ARHGAP24: variants seen among roughly 807,000 people sequenced by gnomAD.
The protein encoded by ARHGAP24 is rho GTPase-activating protein 24.
ARHGAP24 carries 50 observed loss-of-function variants against 76.4 expected under a neutral mutation model. The observed-to-expected ratio is 0.65, with a 90% confidence interval of 0.52 to 0.83. ARHGAP24 has a LOEUF of 0.83. Among genes scored for constraint, ARHGAP24 ranks in the 40% least tolerant of loss-of-function variants. ARHGAP24 has a pLI of 0.00. For synonymous variants in ARHGAP24, 345 were observed against 323.3 expected, an observed-to-expected ratio of 1.07 and a Z score of -0.72; for missense variants, 930 against 914.2, an observed-to-expected ratio of 1.02 and a Z score of -0.22.
chr4:85,685,147 G>A (rs757497307), intron 2 of ARHGAP24, among the ~76,000 whole-genome samples: 2 of 152,090 alleles, frequency 1.3e-5, no homozygotes, highest in Non-Finnish European at 2.9e-5. Context: ...CTTATATGCA[G>A]ATAAAAGAAA....
chr4:85,643,359 C>T (rs1428307352), intron 2 of ARHGAP24, among the ~76,000 whole-genome samples: 3 of 115,366 alleles, frequency 2.6e-5, no homozygotes, highest in Non-Finnish European at 5.3e-5. Flanking sequence ...CCCGGGTTCA[C>T]GCCATTCTCC....
chr4:85,718,709 A>T (rs1724820525), intron 2 of ARHGAP24, among the ~76,000 whole-genome samples: 1 of 152,080 alleles, frequency 6.6e-6, no homozygotes, highest in Non-Finnish European at 1.5e-5. Flanking sequence ...TGATATTTAA[A>T]CTACTATTTT....
At chr4:85,875,679 A>G (rs906251029) in intron 3 of ARHGAP24, among the ~76,000 whole-genome samples, 5 of 132,026 alleles carry the variant, frequency 3.8e-5, no homozygotes, top group Admixed American at 1.8e-4. Context: ...AAATTTATAT[A>G]TAAATATTAA....
intron 3 of ARHGAP24, among the ~76,000 whole-genome samples, chr4:85,784,931 CTATCTATCTA>C (rs1727748182): frequency 6.6e-6 from 1 of 151,234 alleles, no homozygotes; most frequent in African/African-American, 2.4e-5. Context: ...ATCTATCTAT[CTATCTATCTA>C]TCTATCTATC....
intron 2 of ARHGAP24, among the ~76,000 whole-genome samples, chr4:85,634,968 A>T (rs2109965757): frequency 6.6e-6 from 1 of 152,012 alleles, no homozygotes; most frequent in East Asian, 1.9e-4. Flanking sequence ...CTTTAGATGT[A>T]TACATCTTCA....
chr4:85,577,081 A>G (rs867447472), intron 2 of ARHGAP24, among the ~76,000 whole-genome samples: 3 of 151,616 alleles, frequency 2.0e-5, no homozygotes, highest in Admixed American at 6.6e-5. Context: ...TTAATATGAG[A>G]AAAATAGAAT....
intron 2 of ARHGAP24, among the ~76,000 whole-genome samples, chr4:85,663,149 A>T (rs1172513777): frequency 1.3e-5 from 2 of 151,454 alleles, no homozygotes; most frequent in East Asian, 3.9e-4. Flanking sequence ...CCTACCCATG[A>T]GCATGGAATG....
chr4:85,526,385 G>C (rs1014871617), intron 1 of ARHGAP24, among the ~76,000 whole-genome samples: 3 of 145,946 alleles, frequency 2.1e-5, no homozygotes, highest in African/African-American at 7.7e-5. Flanking sequence ...GGGCGACAGA[G>C]CAAGACCCTG....
In ARHGAP24 at chr4:85,511,808, C is replaced by G. The variant is rs565630265; in HGVS notation, c.-21+36249C>G. On this transcript the variant is annotated intron_variant, in intron 1 of 9. Transcript: ENST00000395184. Reference sequence around the variant, plus strand: ...GTTTTGGAGGTTAGAAGTGCAGAATCAAAGTGTCAGGAGGGCCACGCTCCC... The same window carrying G: ...GTTTTGGAGGTTAGAAGTGCAGAATGAAAGTGTCAGGAGGGCCACGCTCCC... Among the ~76,000 whole-genome samples the G allele has an allele frequency of 1.1e-3, 166 of 152,310 alleles. 8 individuals are homozygous for G. In the South Asian group the frequency reaches 0.032, roughly 29 times the overall value.
chr4:85,919,573 C>A (rs542315696), intron 3 of ARHGAP24, among the ~76,000 whole-genome samples: 1 of 152,220 alleles, frequency 6.6e-6, no homozygotes, highest in African/African-American at 2.4e-5. Flanking sequence ...ATGAAATTCA[C>A]AGATGGGATT....
chr4:85,720,599 T>TA (rs1381875172), intron 2 of ARHGAP24, among the ~76,000 whole-genome samples: 2 of 152,294 alleles, frequency 1.3e-5, no homozygotes, highest in African/African-American at 2.4e-5. Flanking sequence ...TTAGAAATAT[T>TA]ACTCCGATAT....
intron 3 of ARHGAP24, among the ~76,000 whole-genome samples, chr4:85,882,672 C>G (rs1280780846): frequency 6.6e-6 from 1 of 152,078 alleles, no homozygotes; most frequent in Non-Finnish European, 1.5e-5. Flanking sequence ...CCAAGAGATT[C>G]AAGAAGCATT....
intron 2 of ARHGAP24, among the ~76,000 whole-genome samples, chr4:85,608,724 A>AT (rs1720289329): frequency 6.6e-6 from 1 of 151,250 alleles, no homozygotes; most frequent in African/African-American, 2.4e-5. Flanking sequence ...TGCCCAGCTA[A>AT]TTTTTTTGTA....
chr4:85,760,749 G>A (rs1466359232), intron 3 of ARHGAP24, among the ~76,000 whole-genome samples: 2 of 152,188 alleles, frequency 1.3e-5, no homozygotes, highest in African/African-American at 4.8e-5. Context: ...AAGGCCCGGA[G>A]CTTGGAAGAG....
chr4:85,888,283 C>T (rs1733683361), intron 3 of ARHGAP24, among the ~76,000 whole-genome samples: 3 of 151,716 alleles, frequency 2.0e-5, no homozygotes, highest in African/African-American at 7.3e-5. Flanking sequence ...CACTTGTAAT[C>T]CGGCTACTTG....
At chr4:85,605,617 A>G (rs531629462) in intron 2 of ARHGAP24, among the ~76,000 whole-genome samples, 2 of 152,214 alleles carry the variant, frequency 1.3e-5, no homozygotes, top group Non-Finnish European at 2.9e-5. Context: ...CTTATGAGTC[A>G]TTGTTAAATT....
In ARHGAP24 at chr4:85,743,173, TA is replaced by T. The variant is rs201879660; in HGVS notation, c.268+21211del. On this transcript the variant is annotated intron_variant, in intron 3 of 9. Transcript: ENST00000395184. Reference sequence around the variant, plus strand: ...TTGTCAAATTATCATATAATTCAGCTAAAAAAAAAATCATGGTACTTAAGTG... The same window carrying T: ...TTGTCAAATTATCATATAATTCAGCTAAAAAAAAATCATGGTACTTAAGTG... Among the ~76,000 whole-genome samples the T allele has an allele frequency of 3.5e-4, 52 of 147,524 alleles. 1 individual carries two copies. The East Asian group carries it at 7.3e-3, about 21-fold the overall frequency.
chr4:85,653,394 T>A (rs955537885), intron 2 of ARHGAP24, among the ~76,000 whole-genome samples: 9 of 152,234 alleles, frequency 5.9e-5, no homozygotes, highest in Non-Finnish European at 1.3e-4. Flanking sequence ...GAAAATAGCA[T>A]AAGTAAATTG....
chr4:85,870,949 AT>A (rs1732491661), intron 3 of ARHGAP24, among the ~76,000 whole-genome samples: 1 of 152,162 alleles, frequency 6.6e-6, no homozygotes, highest in African/African-American at 2.4e-5. Flanking sequence ...GAATGGTACA[AT>A]TGTATTTCTG....
Sources: gnomAD v4.1 joint callset for allele counts (sites outside exome capture counted in the v4.1 genomes callset) on GRCh38, gnomAD v4.1.1 for gene constraint, MANE v1.5 for transcripts, NCBI Gene and HGNC (gene_info 2026-07-23, HGNC 2026-07-21) for gene names.